The following DDX43 variants were observed in gnomAD, a reference collection of about 807,000 sequenced individuals.
DDX43 encodes the protein probable ATP-dependent RNA helicase DDX43.
A neutral mutation model predicts 84.9 loss-of-function variants in DDX43; 50 were observed. The observed-to-expected ratio is 0.59, with a 90% CI of 0.47 to 0.75. The LOEUF is 0.75. Among genes scored for constraint, DDX43 ranks in the 30% least tolerant of loss-of-function variants. DDX43 has a pLI of 0.00. For missense variants in DDX43, 689 were observed against 798.6 expected, an observed-to-expected ratio of 0.86 and a Z score of 1.65; for synonymous variants, 291 against 266.3, an observed-to-expected ratio of 1.09 and a Z score of -0.90.
intron 2 of DDX43, 58 bp downstream of exon 2, chr6:73,397,802 C>T: frequency 6.8e-6 from 10 of 1,461,928 alleles, no homozygotes; most frequent in South Asian, 1.1e-5. Context: ...TAAGGGAGCA[C>T]CTAACTCTAC....
intron 2 of DDX43, among the ~76,000 whole-genome samples, chr6:73,399,426 G>A (rs139992704): frequency 2.0e-4 from 31 of 152,016 alleles, no homozygotes; most frequent in African/African-American, 6.8e-4. Context: ...CCTGACATAC[G>A]CTGCTACCAT....
intron 2 of DDX43, among the ~76,000 whole-genome samples, chr6:73,398,345 G>A (rs546150587): frequency 7.9e-5 from 12 of 152,186 alleles, no homozygotes; most frequent in African/African-American, 2.9e-4. Context: ...TCTGCCTCCC[G>A]GGTTGAAGCA....
Position 73,400,334 on chromosome 6 carries a change from A to G in DDX43, c.407A>G (p.Glu136Gly), listed in dbSNP as rs1769541964. ...ATAGACAATTTTGTTAAAAAGCTAG[A>G]AGAAAATTACAATTCAGAATGCGGA... is the stretch of plus-strand genomic sequence containing the variant. ...AVIDNFVKKLEENYNSECGID... is the reference protein window; with the variant it reads ...AVIDNFVKKLGENYNSECGID... Residue 136 changes from glutamate to glycine, a missense_variant, in exon 3 of 17, where the codon GAA (glutamate) becomes GGA (glycine). This residue lies in a region of DDX43 where 552 missense variants were observed against 692.7 expected (regional missense o/e 0.80). Transcript: ENST00000370336. The G allele has an allele frequency of 1.2e-6, 2 of 1,607,936 alleles. No homozygotes were observed. The highest frequency in any genetic ancestry group is 1.3e-5 in the African/African-American group (1 of 74,648).
chr6:73,405,508 A>G (rs1769659341), intron 5 of DDX43, among the ~76,000 whole-genome samples, 171 bp from the exon 6 acceptor site: 2 of 152,182 alleles, frequency 1.3e-5, no homozygotes, highest in Admixed American at 6.5e-5. Flanking sequence ...CAGATAAGAG[A>G]CAGATGGACT....
At chr6:73,401,721 G>T (rs1769574636) in intron 3 of DDX43, 138 bp from the exon 4 acceptor site, 1 of 743,306 alleles carries the variant, frequency 1.3e-6, no homozygotes, top group Non-Finnish European at 2.0e-6. Flanking sequence ...AGAATGGCGG[G>T]AACCCGGGAG....
rs1054536958 is a variant in DDX43, at chr6:73,411,213, A to C, written c.1281-992A>C. Among the ~76,000 whole-genome samples the C allele has an allele frequency of 1.5e-3, 233 of 151,314 alleles. 4 individuals are homozygous for C. Among genetic ancestry groups the C allele is most frequent in the African/African-American group, 5.4e-3 (225 of 41,314 alleles). ...AAAAAAAAAAAAATTTATTTGGCTTAAATACTTGGTATTGCCTGCTGACCC... is the reference window on the plus strand; with the variant it reads ...AAAAAAAAAAAAATTTATTTGGCTTCAATACTTGGTATTGCCTGCTGACCC... On this transcript the variant is annotated intron_variant, in intron 10 of 16. Transcript: ENST00000370336.
chr6:73,400,469 C>T, intron 3 of DDX43, 106 bp downstream of exon 3: 1 of 1,054,694 alleles, frequency 9.5e-7, no homozygotes, highest in East Asian at 2.9e-5. Context: ...ATTAGGCTGC[C>T]ATAAATGCAG....
At chr6:73,407,826 G>A in intron 8 of DDX43, 134 bp from the exon 9 acceptor site, 1 of 873,154 alleles carries the variant, frequency 1.1e-6, no homozygotes, top group Non-Finnish European at 1.8e-6. Context: ...ATTGATGGGT[G>A]TACATAATTC....
intron 10 of DDX43, 139 bp downstream of exon 10, chr6:73,409,487 G>A (rs781471669): frequency 3.5e-5 from 24 of 693,704 alleles, no homozygotes; most frequent in Non-Finnish European, 5.2e-5. Flanking sequence ...AACATTGGAA[G>A]TAGAACAGTG....
Position 73,407,591 on chromosome 6 carries a change from AAT to A in DDX43, c.1016_1017del (p.Tyr339PhefsTer3). 1 of 1,613,154 alleles carries A rather than the reference AAT, an allele frequency of 6.2e-7. No homozygotes were observed. Among genetic ancestry groups the A allele is most frequent in the Non-Finnish European group, 8.5e-7 (1 of 1,179,132 alleles). ...CTTCAAGTAGAAGGAGAATGTTGCA[AAT>A]ATTCATATAAAGGGCTTCGGAGGTA... On this transcript the variant is annotated frameshift_variant, in exon 8 of 17. Transcript: ENST00000370336. LOFTEE classifies it high-confidence loss of function.
intron 6 of DDX43, among the ~76,000 whole-genome samples, 183 bp from the exon 7 acceptor site, chr6:73,406,181 G>A (rs113305867): frequency 0.084 from 12,226 of 146,248 alleles, 557 homozygotes; most frequent in South Asian, 0.15. Flanking sequence ...GTGCCACCAC[G>A]CCCAGCTAAT....
chr6:73,404,735 C>T lies in DDX43; in HGVS notation c.614C>T (p.Thr205Ile). 6.2e-7 allele frequency: 1 copy of T among 1,613,418 alleles called. No individual in the cohort carries two copies. The change falls in exon 5 of 17, where the codon ACA (threonine) becomes ATA (isoleucine). Residue 205 changes from threonine (T) to isoleucine (I), a missense_variant. Around this residue, in one of 2 missense-constraint regions of DDX43, gnomAD observed 552 missense variants for 692.7 expected, o/e 0.80. Transcript: ENST00000370336. ...AACTTTTATAAAGAGTCCACTGCCA[C>T]AAGTGCCATGTCAAAAGTAGAAGCA... The part of the protein sequence containing the change: ...KKNFYKESTA[T>I]SAMSKVEADS...
chr6:73,402,029 G>A lies in DDX43; in HGVS notation c.568+39G>A, dbSNP rs774243989. 35 of 1,607,636 alleles carry A rather than the reference G, an allele frequency of 2.2e-5. No individual in the cohort carries two copies. The East Asian group carries it at 7.6e-4, about 35-fold the overall frequency. On this transcript the variant is annotated intron_variant, in intron 4 of 16. Transcript: ENST00000370336. ...CCTAATATTTACATATATTGTTTCT[G>A]TTAACTGCAGTTTTTATTCTCTGTA... is the stretch of plus-strand genomic sequence containing the variant.
intron 11 of DDX43, among the ~76,000 whole-genome samples, chr6:73,412,638 AGTGTGTGTGTGTGT>A (rs66577187): frequency 5.9e-4 from 35 of 59,722 alleles, no homozygotes; most frequent in African/African-American, 1.9e-3. Flanking sequence ...ATATATATAT[AGTGTGTGTGTGTGT>A]GTGTGTGTGT....
At position 73,412,261 on chromosome 6, in the gene DDX43, T is replaced by C; in HGVS notation, c.1337T>C (p.Met446Thr). 6.2e-7 allele frequency: 1 copy of C among 1,613,768 alleles called. No homozygotes were observed. Among genetic ancestry groups the C allele is most frequent in the Non-Finnish European group, 8.5e-7 (1 of 1,179,830 alleles). ...GCACAATCTTATTTGAAAGAACCAA[T>C]GATTGTCTATGTTGGTACATTGGAT... is the stretch of plus-strand genomic sequence containing the variant. ...RLAQSYLKEP[M>T]IVYVGTLDLV... The change falls in exon 11 of 17, where the codon ATG (methionine) becomes ACG (threonine). Residue 446 changes from methionine to threonine, a missense_variant. Transcript: ENST00000370336.
chr6:73,395,211 G>A (rs1453451443), intron 1 of DDX43, 56 bp downstream of exon 1: 1 of 1,525,512 alleles, frequency 6.6e-7, no homozygotes, highest in African/African-American at 1.4e-5. Flanking sequence ...GCGGAGCCTG[G>A]GCGAAGGCAT....
At chr6:73,406,703 A>T (rs555733453) in intron 7 of DDX43, among the ~76,000 whole-genome samples, 66 of 152,362 alleles carry the variant, frequency 4.3e-4, no homozygotes, top group African/African-American at 1.6e-3. Context: ...CTTAGTAGTG[A>T]AACAGTGGAA....
At position 73,417,251 on chromosome 6, in the gene DDX43, C is replaced by T. The variant is rs1371546231; in HGVS notation, c.*90C>T. 1 of 151,986 alleles carries T rather than the reference C, an allele frequency of 6.6e-6. No individual in the cohort carries two copies. 9.4% of individuals were successfully genotyped at this position (151,986 alleles called of 1,614,324 possible). The stretch of plus-strand genomic sequence containing the variant: ...TGGACATGTTGGCAGTATGAAGAGA[C>T]CGGACTGATTTGACTGATTCTTAAA... On this transcript the variant is annotated 3_prime_UTR_variant, in exon 17 of 17. Transcript: ENST00000370336.
Position 73,412,240 on chromosome 6 carries a change from A to C in DDX43, c.1316A>C (p.Gln439Pro). 1 of 1,613,852 alleles carries C rather than the reference A, an allele frequency of 6.2e-7. No individual in the cohort carries two copies. ...TWPHSVHRLAQSYLKEPMIVY... is the reference protein window; with the variant it reads ...TWPHSVHRLAPSYLKEPMIVY... ...CCTCATTCAGTTCATCGCCTCGCAC[A>C]ATCTTATTTGAAAGAACCAATGATT... The change falls in exon 11 of 17, where the codon CAA becomes CCA. Residue 439 changes from glutamine to proline, a missense_variant. Gln to Pro is a moderately conservative substitution (Grantham distance 76). Coordinates refer to ENST00000370336, the MANE Select transcript of DDX43 (RefSeq NM_018665.3).
Sources: allele counts gnomAD v4.1 joint callset (sites outside exome capture counted in the v4.1 genomes callset), GRCh38; gene constraint gnomAD v4.1.1; regional missense constraint gnomAD v4.1.1; transcripts MANE v1.5; gene names NCBI Gene and HGNC (gene_info 2026-07-23, HGNC 2026-07-21).